The following MPPED2 variants were observed in gnomAD, a reference collection of about 807,000 sequenced individuals.
MPPED2 encodes the protein metallophosphoesterase MPPED2.
In MPPED2, 5 loss-of-function variants were observed where a neutral mutation model predicts 33.0. That is an observed-to-expected ratio of 0.15 (90% CI 0.08 to 0.32). The LOEUF is 0.32. Ranked by LOEUF, MPPED2 falls within the 10% of genes least tolerant of loss-of-function variation. The probability of loss-of-function intolerance (pLI) is 1.00; values close to 1 mark genes in which losing one functional copy is unlikely to be tolerated. For synonymous variants in MPPED2, 136 were observed against 141.9 expected, an observed-to-expected ratio of 0.96 and a Z score of 0.29; for missense variants, 275 against 372.1, an observed-to-expected ratio of 0.74 and a Z score of 2.15.
intron 2 of MPPED2, among the ~76,000 whole-genome samples, chr11:30,545,795 A>T (rs1955385205): frequency 6.6e-6 from 1 of 152,194 alleles, no homozygotes; most frequent in Non-Finnish European, 1.5e-5. Flanking sequence ...TACACAAAAC[A>T]GCACACAGAG....
intron 4 of MPPED2, among the ~76,000 whole-genome samples, chr11:30,479,938 C>T (rs565881): frequency 0.1 from 15,468 of 152,002 alleles, 1,020 homozygotes; most frequent in South Asian, 0.25. Context: ...GAAGGTAATC[C>T]TAATTATGTG....
At chr11:30,464,663 T>C (rs2134020291) in intron 4 of MPPED2, among the ~76,000 whole-genome samples, 1 of 152,350 alleles carries the variant, frequency 6.6e-6, no homozygotes, top group Non-Finnish European at 1.5e-5. Flanking sequence ...GAAGAATCTC[T>C]GATCAACTTC....
At chr11:30,386,555 C>G (rs1184318145) in exon 7 of MPPED2, 1 of 395,560 alleles carries the variant, frequency 2.5e-6, no homozygotes, top group Non-Finnish European at 4.4e-6. Flanking sequence ...AATACCCAGT[C>G]TCAGGGATTC....
At position 30,404,593 on chromosome 11, in the gene MPPED2, G is replaced by A. The variant is rs748380536; in HGVS notation, c.766+9635C>T. On this transcript the variant is annotated intron_variant, in intron 6 of 6. Transcript: ENST00000448418. ...CTGAGTTTTATGCCACACCTCGCACGTCCCCATATCTATGGCCACTCATGT... is the reference window on the plus strand; with the variant it reads ...CTGAGTTTTATGCCACACCTCGCACATCCCCATATCTATGGCCACTCATGT... Among the ~76,000 whole-genome samples, 10 of 152,146 alleles carry A rather than the reference G, an allele frequency of 6.6e-5. No individual in the cohort carries two copies. The South Asian group carries it at 8.3e-4, about 13-fold the overall frequency.
intron 4 of MPPED2, among the ~76,000 whole-genome samples, chr11:30,467,820 C>T (rs944567785): frequency 7.9e-5 from 12 of 152,200 alleles, no homozygotes; most frequent in African/African-American, 2.7e-4. Flanking sequence ...TTATTGCTCA[C>T]GCCTTGGGCT....
chr11:30,577,810 A>G (rs1259265342), intron 2 of MPPED2, among the ~76,000 whole-genome samples: 1 of 152,252 alleles, frequency 6.6e-6, no homozygotes, highest in South Asian at 2.1e-4. Context: ...CAAAATGTCA[A>G]GAACTGACAG....
intron 6 of MPPED2, among the ~76,000 whole-genome samples, chr11:30,411,921 T>A (rs189843776): frequency 6.6e-6 from 1 of 152,082 alleles, no homozygotes; most frequent in African/African-American, 2.4e-5. Context: ...CAAAGCCTTG[T>A]GTTAACTATT....
downstream of MPPED2, chr11:30,410,139 T>G: frequency 1.0e-6 from 1 of 985,250 alleles, no homozygotes; most frequent in Non-Finnish European, 1.2e-6. Flanking sequence ...CTGAAAGGCA[T>G]TACTGATGTT....
intron 6 of MPPED2, among the ~76,000 whole-genome samples, chr11:30,396,037 C>A (rs1947836319): frequency 1.3e-5 from 2 of 152,136 alleles, no homozygotes; most frequent in African/African-American, 4.8e-5. Flanking sequence ...TACTGAGATG[C>A]TTGCTTTTAA....
At chr11:30,554,603 GCC>G (rs1955878194) in intron 2 of MPPED2, among the ~76,000 whole-genome samples, 5 of 2,732 alleles carry the variant, frequency 1.8e-3, no homozygotes, top group African/African-American at 0.013. Context: ...AGATTCTCGT[GCC>G]TCACTCAGCC....
rs369913590 is a variant in MPPED2 at position 30,400,234 on chromosome 11, G to C, written c.767-11278C>G. ...CTACAGGTTCCTGTCACCACATCCA[G>C]CTAATAAAAAAATATTTCTTTTTAG... On this transcript the variant is annotated intron_variant, in intron 6 of 6. Transcript: ENST00000448418. Among the ~76,000 whole-genome samples the C allele has an allele frequency of 4.0e-3, 613 of 152,130 alleles. 5 individuals are homozygous for C. Among genetic ancestry groups the C allele is most frequent in the African/African-American group, 0.014 (593 of 41,506 alleles).
At position 30,488,981 on chromosome 11, in the gene MPPED2, T is replaced by C. The variant is rs1037958435; in HGVS notation, c.536+6315A>G. ...AATATTGTTTGCATAGTCTCATTCTTTAGTGCCAAAGGATTTTTCTGCTGA... is the reference window on the plus strand; with the variant it reads ...AATATTGTTTGCATAGTCTCATTCTCTAGTGCCAAAGGATTTTTCTGCTGA... On this transcript the variant is annotated intron_variant, in intron 4 of 6. Transcript: ENST00000358117. Among the ~76,000 whole-genome samples, 8 of 152,268 alleles carry C rather than the reference T, an allele frequency of 5.3e-5. No homozygotes were observed. The South Asian group carries it at 1.5e-3, about 28-fold the overall frequency.
At chr11:30,498,509 C>T (rs931640089) in intron 3 of MPPED2, among the ~76,000 whole-genome samples, 1 of 149,880 alleles carries the variant, frequency 6.7e-6, no homozygotes, top group Admixed American at 6.7e-5. Flanking sequence ...GATTGAACCA[C>T]TGTACTCCAG....
chr11:30,585,204 A>C (rs796665764), intron 1 of MPPED2, among the ~76,000 whole-genome samples: 41 of 152,258 alleles, frequency 2.7e-4, no homozygotes, highest in African/African-American at 9.4e-4. Context: ...TGTAGAGAAG[A>C]AATCCGGCGG....
chr11:30,575,308 T>G (rs1249895841), intron 2 of MPPED2, among the ~76,000 whole-genome samples: 1 of 152,222 alleles, frequency 6.6e-6, no homozygotes, highest in African/African-American at 2.4e-5. Context: ...CATCAGCTGG[T>G]AGACAATACC....
chr11:30,583,137 T>TTTTTC (rs1403269309), intron 1 of MPPED2, among the ~76,000 whole-genome samples: 7 of 32,290 alleles, frequency 2.2e-4, no homozygotes, highest in South Asian at 1.9e-3. Context: ...ACTTTTTCTT[T>TTTTTC]TTTTTTTTTT....
At chr11:30,492,189 A>G (rs1454482833) in intron 4 of MPPED2, among the ~76,000 whole-genome samples, 1 of 151,980 alleles carries the variant, frequency 6.6e-6, no homozygotes, top group Non-Finnish European at 1.5e-5. Context: ...GCCACATCAC[A>G]TATCTGAATT....
At chr11:30,509,246 T>C (rs1953008077) in intron 3 of MPPED2, among the ~76,000 whole-genome samples, 1 of 152,190 alleles carries the variant, frequency 6.6e-6, no homozygotes, top group African/African-American at 2.4e-5. Context: ...AGGGCTCAAT[T>C]TTGTTGAATG....
At chr11:30,409,296 C>T (rs907026025), downstream of MPPED2, among the ~76,000 whole-genome samples, 4 of 152,158 alleles carry the variant, frequency 2.6e-5, no homozygotes, top group Non-Finnish European at 5.9e-5. Flanking sequence ...TGAACACCCT[C>T]TTCTACTGAT....
Sources: allele counts gnomAD v4.1 joint callset (sites outside exome capture counted in the v4.1 genomes callset), GRCh38; gene constraint gnomAD v4.1.1; transcripts MANE v1.5; gene names NCBI Gene and HGNC (gene_info 2026-07-23, HGNC 2026-07-21).